Variants in EXOC6 observed in about 807,000 individuals in gnomAD.
EXOC6 encodes the protein exocyst complex component 6.
Under a neutral mutation model 112.5 loss-of-function variants are expected in EXOC6, and 60 were observed. That is an observed-to-expected ratio of 0.53 (90% CI 0.43 to 0.66). The LOEUF (loss-of-function observed/expected upper bound fraction) is 0.66, where lower values mean the gene tolerates loss of function less well. Among genes scored for constraint, EXOC6 ranks in the 30% least tolerant of loss-of-function variants. EXOC6 has a pLI of 0.00. For synonymous variants in EXOC6, 295 were observed against 308.0 expected (o/e 0.96, Z 0.44); for missense variants, 855 against 957.1 (o/e 0.89, Z 1.41).
In EXOC6 at chr10:92,893,233, ATAT is replaced by A. The variant is rs1266675943; in HGVS notation, c.102-112_102-110del. 5 of 674,260 alleles carry A rather than the reference ATAT, an allele frequency of 7.4e-6. 1 individual carries two copies. Among genetic ancestry groups the A allele is most frequent in the African/African-American group, 1.8e-5 (1 of 55,660 alleles). 41.8% of individuals were successfully genotyped at this position (674,260 alleles called of 1,614,324 possible). ...ACGCAAATTATTTCTGCTAAAGGTA[ATAT>A]TATCACCAGTTTATTTGTTCAGAGA... On this transcript the variant is annotated intron_variant, in intron 1 of 21. Coordinates refer to ENST00000260762, the MANE Select transcript of EXOC6 (RefSeq NM_019053.6).
chr10:92,958,034 A>C (rs1853786686), intron 17 of EXOC6, among the ~76,000 whole-genome samples: 1 of 152,180 alleles, frequency 6.6e-6, no homozygotes, highest in African/African-American at 2.4e-5. Flanking sequence ...CCTTTCAAAA[A>C]CTGCATATGC....
At chr10:92,911,935 G>C (rs1490237063) in intron 6 of EXOC6, among the ~76,000 whole-genome samples, 2 of 48,038 alleles carry the variant, frequency 4.2e-5, no homozygotes, top group East Asian at 5.3e-3. Context: ...CTCTCTCTGT[G>C]TGCGTGTGTG....
chr10:93,055,233 A>G (rs572810135), intron 20 of EXOC6, among the ~76,000 whole-genome samples: 1 of 152,334 alleles, frequency 6.6e-6, no homozygotes, highest in African/African-American at 2.4e-5. Flanking sequence ...TTTATCATAA[A>G]CATTATCCCA....
At chr10:92,999,250 A>G in intron 19 of EXOC6, 1 of 384,462 alleles carries the variant, frequency 2.6e-6, no homozygotes, top group Non-Finnish European at 4.9e-6. Context: ...TAAATTACAG[A>G]TGAGGTGTTG....
At chr10:92,842,440 GTCATCATCATCA>G (rs137992222) in intron 1 of EXOC6, among the ~76,000 whole-genome samples, 15 of 147,806 alleles carry the variant, frequency 1.0e-4, no homozygotes, top group African/African-American at 3.0e-4. Context: ...AATGTCAGCT[GTCATCATCATCA>G]TCATCATCAT....
At chr10:93,051,304 C>T (rs1310230010) in intron 20 of EXOC6, among the ~76,000 whole-genome samples, 1 of 152,220 alleles carries the variant, frequency 6.6e-6, no homozygotes, top group African/African-American at 2.4e-5. Context: ...GCAGCTTCTG[C>T]AGCATGAAGT....
At chr10:93,043,486 A>G (rs546820807) in intron 20 of EXOC6, among the ~76,000 whole-genome samples, 1 of 152,210 alleles carries the variant, frequency 6.6e-6, no homozygotes, top group South Asian at 2.1e-4. Flanking sequence ...CTTTACCTCA[A>G]CTGTGTTGAG....
At chr10:93,048,542 C>G (rs1846114229) in intron 20 of EXOC6, among the ~76,000 whole-genome samples, 2 of 151,832 alleles carry the variant, frequency 1.3e-5, no homozygotes, top group African/African-American at 4.8e-5. Flanking sequence ...ACATATGTAA[C>G]TAACCTGCAC....
chr10:93,050,124 G>A lies in EXOC6; in HGVS notation c.2170-6800G>A, dbSNP rs949160311. 1.3e-5 allele frequency among the ~76,000 whole-genome samples: 2 copies of A among 152,110 alleles called. 1 individual carries two copies. Among genetic ancestry groups the A allele is most frequent in the South Asian group, 4.2e-4 (2 of 4,818 alleles). ...TATAAAAACAAAAATAGACAAAAAT[G>A]GTAGGATAGCTACCCAAGAAGAGAG... On this transcript the variant is annotated intron_variant, in intron 20 of 21. Transcript: ENST00000260762.
chr10:92,830,018 A>G (rs976971669), upstream of EXOC6, among the ~76,000 whole-genome samples: 2 of 152,244 alleles, frequency 1.3e-5, no homozygotes, highest in African/African-American at 2.4e-5. Context: ...AATCTCATGA[A>G]TAATCCACCC....
At chr10:92,936,854 G>A (rs558278423) in intron 12 of EXOC6, among the ~76,000 whole-genome samples, 1 of 151,916 alleles carries the variant, frequency 6.6e-6, no homozygotes, top group African/African-American at 2.4e-5. Flanking sequence ...ACAGCGGGGG[G>A]TTTATAACCT....
At chr10:92,981,435 A>G (rs1259326050) in intron 18 of EXOC6, among the ~76,000 whole-genome samples, 1 of 152,214 alleles carries the variant, frequency 6.6e-6, no homozygotes. Context: ...TTTACCGGCC[A>G]TAGGGGAGAC....
intron 13 of EXOC6, among the ~76,000 whole-genome samples, chr10:92,941,687 GT>G (rs1180479691): frequency 2.0e-5 from 3 of 152,092 alleles, no homozygotes; most frequent in Non-Finnish European, 4.4e-5. Flanking sequence ...GGCAAGTGCT[GT>G]TTTTACAAAT....
At chr10:92,933,628 C>G (rs1202033166) in intron 9 of EXOC6, among the ~76,000 whole-genome samples, 1 of 152,060 alleles carries the variant, frequency 6.6e-6, no homozygotes, top group Non-Finnish European at 1.5e-5. Flanking sequence ...ATGTAATAAA[C>G]TTTTTATGAA....
chr10:92,878,998 A>G (rs1395183303), intron 1 of EXOC6, among the ~76,000 whole-genome samples: 2 of 152,150 alleles, frequency 1.3e-5, no homozygotes, highest in African/African-American at 4.8e-5. Context: ...AATTAAATAT[A>G]TTTGCAGATG....
At chr10:92,842,361 A>G (rs1846887370) in intron 1 of EXOC6, among the ~76,000 whole-genome samples, 1 of 14,814 alleles carries the variant, frequency 6.8e-5, no homozygotes, top group Non-Finnish European at 1.9e-4. Flanking sequence ...TCTGTCTCAG[A>G]AAAAAAAAAA....
chr10:93,049,791 C>T (rs1846195177), intron 20 of EXOC6, among the ~76,000 whole-genome samples: 1 of 152,120 alleles, frequency 6.6e-6, no homozygotes, highest in African/African-American at 2.4e-5. Context: ...GTTGCCCAGG[C>T]TGGTCTCAAA....
At chr10:92,963,386 G>C (rs1033822105) in intron 17 of EXOC6, among the ~76,000 whole-genome samples, 1 of 151,938 alleles carries the variant, frequency 6.6e-6, no homozygotes. Context: ...AATTGTTTTT[G>C]GTATAATTAA....
chr10:92,993,019 G>T (rs1843337547), intron 18 of EXOC6, among the ~76,000 whole-genome samples: 1 of 85,778 alleles, frequency 1.2e-5, no homozygotes, highest in Non-Finnish European at 2.8e-5. Context: ...AATGATGATA[G>T]TGAGTTTGTA....
Sources: allele counts gnomAD v4.1 joint callset (sites outside exome capture counted in the v4.1 genomes callset), GRCh38; gene constraint gnomAD v4.1.1; transcripts MANE v1.5; gene names NCBI Gene and HGNC (gene_info 2026-07-23, HGNC 2026-07-21).